ADAMTS17: variants seen among roughly 807,000 people sequenced by gnomAD.
ADAMTS17 encodes A disintegrin and metalloproteinase with thrombospondin motifs 17.
Under a neutral mutation model 141.5 loss-of-function variants are expected in ADAMTS17, and 113 were observed. The ratio of observed to expected loss-of-function variants is 0.80; its 90% CI spans 0.69 to 0.93. ADAMTS17 has a LOEUF of 0.93. ADAMTS17 is among the 40% of genes least tolerant of loss of function. The probability of loss-of-function intolerance (pLI) is 0.00; values close to 1 mark genes in which losing one functional copy is unlikely to be tolerated. For synonymous variants in ADAMTS17, 768 were observed against 630.6 expected (o/e 1.22, Z -3.27); for missense variants, 1,659 against 1,517.9 (o/e 1.09, Z -1.54).
intron 2 of ADAMTS17, among the ~76,000 whole-genome samples, chr15:100,338,174 G>A (rs1432782198): frequency 6.6e-6 from 1 of 152,200 alleles, no homozygotes; most frequent in Admixed American, 6.5e-5. Flanking sequence ...ACCAAGAAAG[G>A]AATGCGGCAG....
At chr15:100,144,900 G>T (rs902674119) in intron 10 of ADAMTS17, among the ~76,000 whole-genome samples, 2 of 151,838 alleles carry the variant, frequency 1.3e-5, no homozygotes, top group African/African-American at 4.8e-5. Context: ...AATGAAAACT[G>T]CCCATCACTA....
intron 18 of ADAMTS17, among the ~76,000 whole-genome samples, chr15:100,004,262 T>G (rs2060990737): frequency 6.6e-6 from 1 of 152,244 alleles, no homozygotes; most frequent in African/African-American, 2.4e-5. Flanking sequence ...GTTTTTCAGC[T>G]AGACTTTTTG....
At chr15:100,228,524 G>A (rs189029855) in intron 7 of ADAMTS17, among the ~76,000 whole-genome samples, 10 of 152,292 alleles carry the variant, frequency 6.6e-5, no homozygotes, top group African/African-American at 2.2e-4. Flanking sequence ...GGACTGGACC[G>A]AGGAGAAAAG....
At chr15:100,076,854 TATATC>T (rs1448894045) in intron 15 of ADAMTS17, among the ~76,000 whole-genome samples, 2 of 152,236 alleles carry the variant, frequency 1.3e-5, no homozygotes, top group South Asian at 2.1e-4. Context: ...AACTCAATAT[TATATC>T]ATACTACATT....
At chr15:100,080,965 G>A (rs572727509) in intron 15 of ADAMTS17, among the ~76,000 whole-genome samples, 5 of 152,258 alleles carry the variant, frequency 3.3e-5, no homozygotes, top group African/African-American at 9.6e-5. Context: ...GACTTGGGGT[G>A]GACTTGTGAT....
At chr15:100,329,570 C>G (rs1259720090) in intron 3 of ADAMTS17, among the ~76,000 whole-genome samples, 1 of 151,028 alleles carries the variant, frequency 6.6e-6, no homozygotes, top group African/African-American at 2.4e-5. Flanking sequence ...CCACACACAA[C>G]CAACTGTCAG....
At chr15:100,203,185 G>A (rs1010558179) in intron 7 of ADAMTS17, among the ~76,000 whole-genome samples, 1 of 152,164 alleles carries the variant, frequency 6.6e-6, no homozygotes, top group Non-Finnish European at 1.5e-5. Context: ...CAACAAGCGT[G>A]TGCTTGTGTC....
At chr15:100,318,163 G>A (rs973563444) in intron 3 of ADAMTS17, among the ~76,000 whole-genome samples, 99 of 152,000 alleles carry the variant, frequency 6.5e-4, no homozygotes, top group African/African-American at 2.2e-3. Context: ...CTGAGTCCAA[G>A]GAATGAAACA....
At chr15:100,327,216 T>C (rs1343533010) in intron 3 of ADAMTS17, among the ~76,000 whole-genome samples, 1 of 152,234 alleles carries the variant, frequency 6.6e-6, no homozygotes, top group East Asian at 1.9e-4. Context: ...ACACGTATTA[T>C]ACGTGCAAAT....
intron 18 of ADAMTS17, among the ~76,000 whole-genome samples, chr15:100,006,718 AATCTGTGCCAATCTCTGTG>A (rs1218937769): frequency 6.6e-6 from 1 of 152,204 alleles, no homozygotes; most frequent in African/African-American, 2.4e-5. Context: ...CTGAGTGTCT[AATCTGTGCCAATCTCTGTG>A]CTAGGAATGT....
At chr15:100,142,745 G>A (rs1287058348) in intron 10 of ADAMTS17, among the ~76,000 whole-genome samples, 1 of 152,130 alleles carries the variant, frequency 6.6e-6, no homozygotes, top group African/African-American at 2.4e-5. Context: ...TCTCCACACT[G>A]TACCAAAAGG....
At chr15:100,140,505 A>ATATATATATATATATATATATATATATG (rs2038585318) in intron 10 of ADAMTS17, among the ~76,000 whole-genome samples, 1 of 148,124 alleles carries the variant, frequency 6.8e-6, no homozygotes, top group African/African-American at 2.5e-5. Context: ...ATATATATAT[A>ATATATATATATATATATATATATATATG]TATCCAGTAA....
At chr15:100,338,979 C>G (rs1331957117) in intron 2 of ADAMTS17, 1 of 985,560 alleles carries the variant, frequency 1.0e-6, no homozygotes, top group Non-Finnish European at 1.2e-6. Context: ...TGTCTCTTCC[C>G]TCCGGCCTTC....
At chr15:100,218,899 G>A (rs558121842) in intron 7 of ADAMTS17, among the ~76,000 whole-genome samples, 10 of 107,178 alleles carry the variant, frequency 9.3e-5, no homozygotes, top group Admixed American at 7.2e-4. Flanking sequence ...ACCTGAACAC[G>A]CACACGTCCA....
intron 2 of ADAMTS17, among the ~76,000 whole-genome samples, chr15:100,337,715 C>T (rs894145202): frequency 1.3e-5 from 2 of 152,220 alleles, no homozygotes; most frequent in Admixed American, 6.5e-5. Flanking sequence ...AGACCAAACC[C>T]GACAGCAGGG....
chr15:100,092,607 G>A (rs35191639), intron 15 of ADAMTS17, among the ~76,000 whole-genome samples: 32,706 of 152,004 alleles, frequency 0.22, 4,357 homozygotes, highest in East Asian at 0.54. Context: ...GTGAATTTCC[G>A]CCCCCACGAG....
At chr15:100,165,042 ACTC>A (rs1273688882) in intron 8 of ADAMTS17, among the ~76,000 whole-genome samples, 1 of 151,942 alleles carries the variant, frequency 6.6e-6, no homozygotes, top group African/African-American at 2.4e-5. Context: ...GGCAGGTCAC[ACTC>A]CTCCTTGCTT....
chr15:100,051,494 GC>G, intron 17 of ADAMTS17, 77 bp downstream of exon 17: 1 of 1,598,922 alleles, frequency 6.3e-7, no homozygotes, highest in Non-Finnish European at 8.5e-7. Context: ...CTCACACTCT[GC>G]GTGCTGGCCA....
At chr15:100,115,525 C>T (rs1339547182) in intron 13 of ADAMTS17, among the ~76,000 whole-genome samples, 1 of 152,192 alleles carries the variant, frequency 6.6e-6, no homozygotes, top group Non-Finnish European at 1.5e-5. Flanking sequence ...TTATCTGCTA[C>T]AATTTAGAGC....
Sources: allele counts gnomAD v4.1 joint callset (sites outside exome capture counted in the v4.1 genomes callset), GRCh38; gene constraint gnomAD v4.1.1; transcripts MANE v1.5; gene names NCBI Gene and HGNC (gene_info 2026-07-23, HGNC 2026-07-21).